ARID3B: variants seen among roughly 807,000 people sequenced by gnomAD.
ARID3B encodes AT-rich interaction domain 3B.
A neutral mutation model predicts 51.9 loss-of-function variants in ARID3B; 10 were observed. That is an observed-to-expected ratio of 0.19 (90% CI 0.12 to 0.33). ARID3B has a LOEUF of 0.33. Ranked by LOEUF, ARID3B falls within the 10% of genes least tolerant of loss-of-function variation. The pLI, the probability that ARID3B is intolerant of heterozygous loss-of-function variation, is 1.00. For synonymous variants in ARID3B, 205 were observed against 279.5 expected (o/e 0.73, Z 2.66); for missense variants, 483 against 716.3 (o/e 0.67, Z 3.72).
chr15:74,558,809 G>A (rs1405868464), intron 2 of ARID3B, among the ~76,000 whole-genome samples: 1 of 152,068 alleles, frequency 6.6e-6, no homozygotes, highest in African/African-American at 2.4e-5. Context: ...GTTTCTGTAG[G>A]AATCCCATGT....
chr15:74,572,514 G>A (rs530121455), intron 2 of ARID3B, among the ~76,000 whole-genome samples: 1 of 152,204 alleles, frequency 6.6e-6, no homozygotes, highest in South Asian at 2.1e-4. Context: ...GGCTTCTGGC[G>A]ATCAGCCGGG....
At chr15:74,593,307 C>T in intron 8 of ARID3B, 71 bp downstream of exon 8, 1 of 1,399,840 alleles carries the variant, frequency 7.1e-7, no homozygotes, top group Non-Finnish European at 9.9e-7. Context: ...GCGGCTGGCC[C>T]TGCCTCTTAC....
chr15:74,548,474 AT>A (rs1354162791), intron 2 of ARID3B, among the ~76,000 whole-genome samples: 1 of 152,248 alleles, frequency 6.6e-6, no homozygotes, highest in African/African-American at 2.4e-5. Flanking sequence ...TTCACAGCCA[AT>A]TCAGTTGAAA....
At chr15:74,590,557 G>A (rs563232183) in intron 5 of ARID3B, among the ~76,000 whole-genome samples, 1 of 152,346 alleles carries the variant, frequency 6.6e-6, no homozygotes, top group South Asian at 2.1e-4. Context: ...GATGGAAGCG[G>A]TGAAACCAAT....
chr15:74,549,404 T>C (rs949621479), intron 2 of ARID3B, among the ~76,000 whole-genome samples: 9 of 152,014 alleles, frequency 5.9e-5, no homozygotes, highest in Non-Finnish European at 1.0e-4. Context: ...TGGTAGATAC[T>C]GCATGACTAT....
chr15:74,561,672 T>C (rs913647400), intron 2 of ARID3B, among the ~76,000 whole-genome samples: 1 of 152,214 alleles, frequency 6.6e-6, no homozygotes, highest in Non-Finnish European at 1.5e-5. Flanking sequence ...ATAATAATAG[T>C]ACCCACTTCA....
intron 2 of ARID3B, among the ~76,000 whole-genome samples, chr15:74,560,040 A>AAAAAAAAAAAAAAAAAAAAAAT (rs2061673948): frequency 6.9e-6 from 1 of 145,366 alleles, no homozygotes; most frequent in African/African-American, 2.5e-5. Context: ...CTAAAAAAAA[A>AAAAAAAAAAAAAAAAAAAAAAT]ACCACACACA....
chr15:74,593,222 G>A lies in ARID3B; in HGVS notation c.1505G>A (p.Gly502Asp). 6.2e-7 allele frequency: 1 copy of A among 1,612,838 alleles called. No individual in the cohort carries two copies. Among genetic ancestry groups the A allele is most frequent in the African/African-American group, 1.3e-5 (1 of 75,024 alleles). ...ATTAACATGTCTGTGGACATCGATG[G>A]CACCACCTATGCAGGTGAGGCCCTG... ...GSINMSVDID[G>D]TTYAGVLFAQ... The change falls in exon 8 of 9, where the codon GGC becomes GAC. Residue 502 changes from glycine (G) to aspartate (D), a missense_variant. Transcript: ENST00000346246.
chr15:74,552,776 C>A (rs1456909432), intron 2 of ARID3B, among the ~76,000 whole-genome samples: 1 of 152,034 alleles, frequency 6.6e-6, no homozygotes, highest in African/African-American at 2.4e-5. Flanking sequence ...TAGCTTATTT[C>A]TTTTTGTGCT....
At chr15:74,588,260 G>C (rs996783807) in intron 4 of ARID3B, among the ~76,000 whole-genome samples, 2 of 151,512 alleles carry the variant, frequency 1.3e-5, no homozygotes, top group Non-Finnish European at 2.9e-5. Flanking sequence ...AGAAGAAGAA[G>C]AGGCCTGGTC....
intron 5 of ARID3B, 145 bp downstream of exon 5, chr15:74,590,148 T>A: frequency 1.0e-6 from 1 of 953,534 alleles, no homozygotes; most frequent in Non-Finnish European, 1.5e-6. Context: ...CTGAGATGAA[T>A]CCCTCACTAA....
intron 8 of ARID3B, among the ~76,000 whole-genome samples, chr15:74,595,347 C>T (rs2061820417): frequency 6.6e-6 from 1 of 152,158 alleles, no homozygotes; most frequent in Admixed American, 6.5e-5. Context: ...CTTGGTGTTC[C>T]TCTTTGTGTA....
At chr15:74,551,769 A>G (rs2061638329) in intron 2 of ARID3B, among the ~76,000 whole-genome samples, 2 of 152,234 alleles carry the variant, frequency 1.3e-5, no homozygotes, top group South Asian at 4.1e-4. Flanking sequence ...TTCTATTCCT[A>G]ACTATCCCCC....
At chr15:74,573,016 AG>A in intron 3 of ARID3B, 83 bp downstream of exon 3, 1 of 1,588,312 alleles carries the variant, frequency 6.3e-7, no homozygotes, top group African/African-American at 1.3e-5. Context: ...ATAAGGACCA[AG>A]GTAGCCAGTG....
chr15:74,574,536 C>T (rs1251415660), intron 4 of ARID3B: 4 of 152,136 alleles, frequency 2.6e-5, no homozygotes, highest in African/African-American at 9.7e-5. Context: ...CTTTGGCAGC[C>T]TTATTGCCTT....
At chr15:74,557,253 G>T (rs372575155) in intron 2 of ARID3B, among the ~76,000 whole-genome samples, 2 of 141,254 alleles carry the variant, frequency 1.4e-5, no homozygotes, top group African/African-American at 5.2e-5. Context: ...TGTCTCTACC[G>T]AAAAAAAAAA....
intron 4 of ARID3B, among the ~76,000 whole-genome samples, chr15:74,586,624 T>G (rs2061782613): frequency 6.6e-6 from 1 of 152,132 alleles, no homozygotes; most frequent in South Asian, 2.1e-4. Flanking sequence ...ATCCCAACAC[T>G]TTGGGAGGCT....
In ARID3B at chr15:74,573,165, G is replaced by A. The variant is rs1250551991; in HGVS notation, c.658G>A (p.Glu220Lys). ...YELDGDPERKEFLDDLFVFMQ... is the reference protein window; with the variant it reads ...YELDGDPERKKFLDDLFVFMQ... ...ACTGGACGGTGATCCTGAAAGGAAA[G>A]AGTTCCTGGATGACCTCTTCGTCTT... The change falls in exon 4 of 9, where the codon GAG becomes AAG. Residue 220 changes from glutamate to lysine, a missense_variant. Glu to Lys is a moderately conservative substitution (Grantham distance 56). Transcript: ENST00000346246. The A allele has an allele frequency of 5.6e-6, 9 of 1,614,198 alleles. No homozygotes were observed. The highest frequency in any genetic ancestry group is 7.6e-6 in the Non-Finnish European group (9 of 1,180,038).
At chr15:74,590,080 G>A in intron 5 of ARID3B, 77 bp downstream of exon 5, 13 of 1,405,980 alleles carry the variant, frequency 9.2e-6, no homozygotes, top group Non-Finnish European at 1.2e-5. Flanking sequence ...GAGGAAGGAA[G>A]GAAATTCCTT....
Sources: allele counts gnomAD v4.1 joint callset (sites outside exome capture counted in the v4.1 genomes callset), GRCh38; gene constraint gnomAD v4.1.1; transcripts MANE v1.5; gene names NCBI Gene and HGNC (gene_info 2026-07-23, HGNC 2026-07-21).